NAALADL1: variants seen among roughly 807,000 people sequenced by gnomAD.
NAALADL1 encodes the protein aminopeptidase NAALADL1.
Under a neutral mutation model 82.8 loss-of-function variants are expected in NAALADL1, and 77 were observed. That is an observed-to-expected ratio of 0.93 (90% CI 0.77 to 1.12). NAALADL1 has a LOEUF of 1.12. Among genes scored for constraint, NAALADL1 ranks in the 50% most tolerant of loss-of-function variants. The probability of loss-of-function intolerance (pLI) is 0.00; values close to 1 mark genes in which losing one functional copy is unlikely to be tolerated. For missense variants in NAALADL1, 956 were observed against 964.0 expected, an observed-to-expected ratio of 0.99 and a Z score of 0.11; for synonymous variants, 358 against 399.2, an observed-to-expected ratio of 0.90 and a Z score of 1.23.
chr11:65,045,696 T>C (rs568401051), intron 17 of NAALADL1, 126 bp downstream of exon 17: 1 of 1,019,504 alleles, frequency 9.8e-7, no homozygotes, highest in East Asian at 2.6e-5. Context: ...GAGCCTTACA[T>C]TCCCATCTTC....
upstream of NAALADL1, among the ~76,000 whole-genome samples, chr11:65,059,924 C>T (rs924345869): frequency 6.6e-6 from 1 of 152,166 alleles, no homozygotes; most frequent in African/African-American, 2.4e-5. Flanking sequence ...AAGTGAGACC[C>T]CAAGTATGCC....
upstream of NAALADL1, among the ~76,000 whole-genome samples, chr11:65,059,130 G>A (rs752147446): frequency 3.3e-5 from 5 of 151,598 alleles, no homozygotes; most frequent in African/African-American, 7.3e-5. Context: ...CTCCTGCATC[G>A]GCCTCCCGAG....
chr11:65,053,564 C>T lies in NAALADL1; in HGVS notation c.1005G>A (p.Val335=), dbSNP rs1332625295. 4 of 1,602,342 alleles carry T rather than the reference C, an allele frequency of 2.5e-6. No individual in the cohort carries two copies. Among genetic ancestry groups the T allele is most frequent in the Non-Finnish European group, 3.4e-6 (4 of 1,172,924 alleles). ...TCAGCTCCAGGCGGTTGTAGACGCTCACATTCACCTGGCTGGGGAGGGTGA... is the reference window on the plus strand; with the variant it reads ...TCAGCTCCAGGCGGTTGTAGACGCTTACATTCACCTGGCTGGGGAGGGTGA... ...GDFPADSQVN[V]SVYNRLELRN... is the part of the protein sequence containing the mutation. Residue 335 remains valine (V), a synonymous_variant, in exon 7 of 18, where the codon GTG becomes GTA. Transcript: ENST00000358658. This position sits in a 1 kb window ranked among gnomAD's most constrained non-coding sequence, Gnocchi z 4.3.
rs1946719456 is a variant in NAALADL1, at chr11:65,046,169, A to G, written c.1855+20T>C. 45 of 1,614,070 alleles carry G rather than the reference A, an allele frequency of 2.8e-5. No homozygotes were observed. Among genetic ancestry groups the G allele is most frequent in the Middle Eastern group, 1.7e-4 (1 of 6,052 alleles). Reference sequence around the variant, plus strand: ...GGGGGTGCAGGGCTCCCCATACCTCAGGGTCAGGGCTGTGCATACCCAGGC... The same window carrying G: ...GGGGGTGCAGGGCTCCCCATACCTCGGGGTCAGGGCTGTGCATACCCAGGC... On this transcript the variant is annotated intron_variant, in intron 15 of 17. Coordinates refer to ENST00000358658, the MANE Select transcript of NAALADL1 (RefSeq NM_005468.3).
At position 65,053,245 on chromosome 11, in the gene NAALADL1, G is replaced by C. The variant is rs751516383; in HGVS notation, c.1171C>G (p.Arg391Gly). 3.2e-6 allele frequency: 5 copies of C among 1,552,816 alleles called. No individual in the cohort carries two copies. The highest frequency in any genetic ancestry group is 3.9e-5 in the Admixed American group (2 of 50,966). ...SGTAVLLELSRVLGTLLKKGT... is the reference protein window; with the variant it reads ...SGTAVLLELSGVLGTLLKKGT... The stretch of plus-strand genomic sequence containing the variant: ...TTCTTCAGCAGGGTCCCCAGGACAC[G>C]GGAGAGCTCCAGGAGGACGGCGGTG... Residue 391 changes from arginine to glycine, a missense_variant, in exon 8 of 18, where the codon CGT (arginine) becomes GGT (glycine). Transcript: ENST00000358658. This position sits in a 1 kb window ranked among gnomAD's most constrained non-coding sequence, Gnocchi z 4.3.
At chr11:65,057,313 G>A in intron 4 of NAALADL1, 58 bp downstream of exon 4, 1 of 1,534,216 alleles carries the variant, frequency 6.5e-7, no homozygotes, top group Non-Finnish European at 8.8e-7. Context: ...ACTTCCTCCA[G>A]TCCACTGCCC....
At chr11:65,047,179 C>G (rs1430716923) in intron 13 of NAALADL1, among the ~76,000 whole-genome samples, 1 of 152,118 alleles carries the variant, frequency 6.6e-6, no homozygotes, top group Non-Finnish European at 1.5e-5. Context: ...AAAGGTTAAA[C>G]TTGGCAGAGG....
chr11:65,046,400 C>T (rs768913191), intron 14 of NAALADL1, 38 bp from the exon 15 acceptor site: 2 of 1,614,176 alleles, frequency 1.2e-6, no homozygotes, highest in Admixed American at 3.3e-5. Flanking sequence ...CAGTCTTCAG[C>T]CTCTCCTGTC....
Position 65,054,553 on chromosome 11 carries a change from G to A in NAALADL1, c.789C>T (p.Ala263=), listed in dbSNP as rs770876295. 2.0e-5 allele frequency: 33 copies of A among 1,613,770 alleles called. No individual in the cohort carries two copies. The highest frequency in any genetic ancestry group is 5.5e-5 in the South Asian group (5 of 91,070). ...GGTCCACGCGGAAGGAAGAGGGGACGGCTGGAAGGTAGGGAGTCAGAGGGT... is the reference window on the plus strand; with the variant it reads ...GGTCCACGCGGAAGGAAGAGGGGACAGCTGGAAGGTAGGGAGTCAGAGGGT... ...FGDPLTPYLP[A]VPSSFRVDLA... Residue 263 remains alanine, a synonymous_variant, in exon 5 of 18, where the codon GCC becomes GCT. Coordinates refer to ENST00000358658, the MANE Select transcript of NAALADL1 (RefSeq NM_005468.3). This position sits in a 1 kb window ranked among gnomAD's most constrained non-coding sequence, Gnocchi z 4.3.
In NAALADL1 at chr11:65,046,094, C is replaced by A. The variant is rs747273121; in HGVS notation, c.1876G>T (p.Glu626Ter). Residue 626 changes from glutamate (E) to a stop codon, truncating the protein, a stop_gained, in exon 16 of 18, where the codon GAG becomes TAG. Transcript: ENST00000358658. LOFTEE classifies it high-confidence loss of function. ...ISLGPLVTAV[E>*]KFEAEAAALG... The stretch of plus-strand genomic sequence containing the variant: ...GCTGCAGCTTCTGCCTCAAACTTCT[C>A]CACTGCAGTCACCAGAGGCCCTGTG... 1.5e-5 allele frequency: 24 copies of A among 1,614,028 alleles called. No individual in the cohort carries two copies. Among genetic ancestry groups the A allele is most frequent in the Non-Finnish European group, 2.0e-5 (24 of 1,180,036 alleles).
Position 65,057,399 on chromosome 11 carries a change from C to T in NAALADL1, c.575G>A (p.Arg192Gln), listed in dbSNP as rs141128956. 6.2e-6 allele frequency: 10 copies of T among 1,613,932 alleles called. No homozygotes were observed. In the African/African-American group the frequency reaches 8.0e-5, roughly 13 times the overall value. ...IKLEGTIALT[R>Q]YGGVGRGAKA... is the part of the protein sequence containing the mutation. Reference sequence around the variant, plus strand: ...GGCCCCACGCCCTACACCCCCATATCGAGTCAGGGCAATGGTGCCTTCAAG... The same window carrying T: ...GGCCCCACGCCCTACACCCCCATATTGAGTCAGGGCAATGGTGCCTTCAAG... The change falls in exon 4 of 18, where the codon CGA becomes CAA. Residue 192 changes from arginine (R) to glutamine (Q), a missense_variant. Arg to Gln is a conservative substitution (Grantham distance 43). Coordinates refer to ENST00000358658, the MANE Select transcript of NAALADL1 (RefSeq NM_005468.3).
chr11:65,048,617 C>A (rs553335647), intron 8 of NAALADL1: 14 of 574,416 alleles, frequency 2.4e-5, no homozygotes, highest in Non-Finnish European at 4.1e-5. Context: ...ATGCCTACTG[C>A]CCCTCTCTCT....
At position 65,053,074 on chromosome 11, in the gene NAALADL1, G is replaced by T; in HGVS notation, c.1198+144C>A. ...CCCTGTACCACACTGGGCTGCTGCA[G>T]GCCAAGGCTGGTGTCATGCATGTCT... On this transcript the variant is annotated intron_variant, in intron 8 of 17. Coordinates refer to ENST00000358658, the MANE Select transcript of NAALADL1 (RefSeq NM_005468.3). This position sits in a 1 kb window ranked among gnomAD's most constrained non-coding sequence, Gnocchi z 4.3. The T allele has an allele frequency of 4.6e-6, 5 of 1,082,216 alleles. No individual in the cohort carries two copies. Among genetic ancestry groups the T allele is most frequent in the Non-Finnish European group, 6.5e-6 (5 of 771,704 alleles). 67.0% of individuals were successfully genotyped at this position (1,082,216 alleles called of 1,614,324 possible).
chr11:65,048,213 C>A lies in NAALADL1; in HGVS notation c.1287G>T (p.Glu429Asp). 1 of 1,613,576 alleles carries A rather than the reference C, an allele frequency of 6.2e-7. No homozygotes were observed. The highest frequency in any genetic ancestry group is 1.6e-4 in the Middle Eastern group (1 of 6,062). The change falls in exon 10 of 18, where the codon GAG becomes GAT. Residue 429 changes from glutamate (E) to aspartate (D), a missense_variant and splice_region_variant. Transcript: ENST00000358658. ...TGCGCTCCTGCAGCTTGTTGAAGAA[C>A]TCCTGCGGGTGCGAGGGGCGACGTC... ...GLIGSTEFTE[E>D]FFNKLQERTV...
In NAALADL1 at chr11:65,054,688, G is replaced by A; in HGVS notation, c.654C>T (p.Asp218=). 3.1e-6 allele frequency: 5 copies of A among 1,614,104 alleles called. No individual in the cohort carries two copies. The highest frequency in any genetic ancestry group is 1.1e-5 in the South Asian group (1 of 91,076). The part of the protein sequence containing the change: ...HGVAGVLVYT[D]PADINDGLSS... ...TCAGCCCATCGTTGATGTCGGCAGG[G>A]TCTGTGTACACCAGCACCCCAGCTA... Residue 218 remains aspartate (D), a synonymous_variant, in exon 5 of 18, where the codon GAC becomes GAT. Coordinates refer to ENST00000358658, the MANE Select transcript of NAALADL1 (RefSeq NM_005468.3). The surrounding 1 kb of genome is among the most constrained non-coding windows in gnomAD (Gnocchi z 4.3).
At chr11:65,057,209 T>A (rs554196609) in intron 4 of NAALADL1, among the ~76,000 whole-genome samples, 162 bp downstream of exon 4, 1 of 152,184 alleles carries the variant, frequency 6.6e-6, no homozygotes, top group African/African-American at 2.4e-5. Context: ...CACAGCCCAT[T>A]GGTGGGACAA....
At chr11:65,057,608 C>G in intron 3 of NAALADL1, 115 bp from the exon 4 acceptor site, 1 of 1,404,786 alleles carries the variant, frequency 7.1e-7, no homozygotes, top group Non-Finnish European at 9.5e-7. Flanking sequence ...CCCCACCTCA[C>G]CCAGAGCTTG....
At chr11:65,058,593 G>C (rs1202774290), upstream of NAALADL1, 17 of 1,380,524 alleles carry the variant, frequency 1.2e-5, no homozygotes, top group Non-Finnish European at 1.5e-5. Flanking sequence ...TGTTGTGCCT[G>C]GTTAAACATT....
chr11:65,051,171 A>G (rs1946874786), intron 8 of NAALADL1, among the ~76,000 whole-genome samples: 1 of 152,058 alleles, frequency 6.6e-6, no homozygotes, highest in Non-Finnish European at 1.5e-5. Flanking sequence ...GGTAAAGTCG[A>G]AAGCCCAGCC....
Sources: gnomAD v4.1 joint callset for allele counts (sites outside exome capture counted in the v4.1 genomes callset) on GRCh38, gnomAD v4.1.1 for gene constraint, Gnocchi (gnomAD v3.1) non-coding constraint, MANE v1.5 for transcripts, NCBI Gene and HGNC (gene_info 2026-07-23, HGNC 2026-07-21) for gene names.